The following ATP6V1H variants were observed in gnomAD, a reference collection of about 807,000 sequenced individuals.
ATP6V1H encodes ATPase H+ transporting V1 subunit H, also known as V-type proton ATPase subunit H.
ATP6V1H carries 39 observed loss-of-function variants against 71.7 expected under a neutral mutation model. The ratio of observed to expected loss-of-function variants is 0.54; its 90% CI spans 0.42 to 0.71. The LOEUF (loss-of-function observed/expected upper bound fraction) is 0.71, where lower values mean the gene tolerates loss of function less well. Ranked by LOEUF, ATP6V1H falls within the 30% of genes least tolerant of loss-of-function variation. ATP6V1H has a pLI of 0.00. For missense variants in ATP6V1H, 509 were observed against 594.9 expected (o/e 0.86, Z 1.50); for synonymous variants, 192 against 199.3 (o/e 0.96, Z 0.31).
rs1445795052 is a variant in ATP6V1H at position 53,784,918 on chromosome 8, G to C, written c.870+10729C>G. The stretch of plus-strand genomic sequence containing the variant: ...CTGCCGAGAGATCCACTGTTAGTCT[G>C]ATGGGCTTCCCTTTGTGGGTAACCC... On this transcript the variant is annotated intron_variant, in intron 9 of 13. Transcript: ENST00000359530. Among the ~76,000 whole-genome samples, 3 of 152,290 alleles carry C rather than the reference G, an allele frequency of 2.0e-5. No individual in the cohort carries two copies. In the East Asian group the frequency reaches 5.8e-4, roughly 29 times the overall value.
intron 12 of ATP6V1H, among the ~76,000 whole-genome samples, chr8:53,747,783 C>G (rs1807659574): frequency 6.6e-6 from 1 of 151,868 alleles, no homozygotes; most frequent in African/African-American, 2.4e-5. Flanking sequence ...CCTCGTGATT[C>G]CCCCTGCCTC....
At chr8:53,764,275 C>A (rs1446372894) in intron 11 of ATP6V1H, among the ~76,000 whole-genome samples, 1 of 152,010 alleles carries the variant, frequency 6.6e-6, no homozygotes, top group Non-Finnish European at 1.5e-5. Context: ...TGCAAAAATC[C>A]TCAACAAAAA....
At chr8:53,825,097 G>C (rs982215489) in intron 4 of ATP6V1H, among the ~76,000 whole-genome samples, 2 of 152,130 alleles carry the variant, frequency 1.3e-5, no homozygotes, top group African/African-American at 2.4e-5. Context: ...CAACACTCCT[G>C]AAGACGCAGA....
chr8:53,801,361 C>A (rs1198700051), intron 8 of ATP6V1H, among the ~76,000 whole-genome samples: 1 of 152,184 alleles, frequency 6.6e-6, no homozygotes, highest in Non-Finnish European at 1.5e-5. Flanking sequence ...AGGTGCTTGT[C>A]TGTATAAGCC....
Position 53,731,372 on chromosome 8 carries a change from T to C in ATP6V1H, c.1391+12205A>G, listed in dbSNP as rs926937629. On this transcript the variant is annotated intron_variant, in intron 13 of 13. Transcript: ENST00000359530. ...TAAAGAAAGGCAAAAATGAGATCAA[T>C]AGTCAGACAGCCCAGCGCCACACCC... 4.6e-5 allele frequency among the ~76,000 whole-genome samples: 7 copies of C among 152,324 alleles called. No homozygotes were observed. The South Asian group carries it at 8.3e-4, about 18-fold the overall frequency.
At chr8:53,791,729 C>G (rs3757953) in intron 9 of ATP6V1H, among the ~76,000 whole-genome samples, 66,979 of 152,118 alleles carry the variant, frequency 0.44, 18,173 homozygotes, top group Non-Finnish European at 0.59. Flanking sequence ...CTCCTCACAC[C>G]CCTCCTCTGG....
chr8:53,755,235 G>A (rs180709997), intron 12 of ATP6V1H, among the ~76,000 whole-genome samples: 1 of 152,196 alleles, frequency 6.6e-6, no homozygotes, highest in African/African-American at 2.4e-5. Flanking sequence ...AGGGTCTGAG[G>A]TATTCTTCAG....
At chr8:53,759,309 A>G (rs1808181508) in intron 11 of ATP6V1H, among the ~76,000 whole-genome samples, 1 of 152,262 alleles carries the variant, frequency 6.6e-6, no homozygotes, top group South Asian at 2.1e-4. Flanking sequence ...AAACCTGCTG[A>G]GCATGCTATT....
chr8:53,730,844 CACCAT>C (rs1416485050), intron 13 of ATP6V1H, among the ~76,000 whole-genome samples: 2 of 152,122 alleles, frequency 1.3e-5, no homozygotes, highest in African/African-American at 4.8e-5. Flanking sequence ...AGGACGAAAG[CACCAT>C]ACTGTGGGAA....
chr8:53,830,548 G>C (rs1240877900), intron 3 of ATP6V1H, among the ~76,000 whole-genome samples: 1 of 151,360 alleles, frequency 6.6e-6, no homozygotes, highest in Non-Finnish European at 1.5e-5. Flanking sequence ...ACCTATTTAA[G>C]CAAAATTAAA....
chr8:53,761,089 C>G (rs1808256939), intron 11 of ATP6V1H, among the ~76,000 whole-genome samples: 1 of 152,128 alleles, frequency 6.6e-6, no homozygotes, highest in African/African-American at 2.4e-5. Context: ...GTAATCCCAG[C>G]ACTTTGGGAG....
At chr8:53,775,424 A>T (rs1808839085) in intron 9 of ATP6V1H, among the ~76,000 whole-genome samples, 1 of 152,224 alleles carries the variant, frequency 6.6e-6, no homozygotes, top group South Asian at 2.1e-4. Flanking sequence ...CCCCACCCAC[A>T]TCCTGCTGAT....
chr8:53,779,952 G>A (rs1173117569), intron 9 of ATP6V1H, among the ~76,000 whole-genome samples: 1 of 151,886 alleles, frequency 6.6e-6, no homozygotes. Flanking sequence ...TGAAGGCAGG[G>A]GTTCTAGACC....
intron 13 of ATP6V1H, among the ~76,000 whole-genome samples, chr8:53,728,867 A>T (rs914337562): frequency 6.6e-6 from 1 of 152,228 alleles, no homozygotes; most frequent in Non-Finnish European, 1.5e-5. Flanking sequence ...CTATCTAAGC[A>T]TGCAACACAC....
At chr8:53,812,823 T>C (rs1489245153) in intron 6 of ATP6V1H, among the ~76,000 whole-genome samples, 2 of 152,120 alleles carry the variant, frequency 1.3e-5, no homozygotes, top group Non-Finnish European at 2.9e-5. Context: ...GCCTGCTGAG[T>C]AGCTGGAACT....
chr8:53,796,210 A>G (rs1809730357), intron 8 of ATP6V1H, among the ~76,000 whole-genome samples: 2 of 152,236 alleles, frequency 1.3e-5, no homozygotes, highest in South Asian at 4.1e-4. Flanking sequence ...TAGCTTTAAA[A>G]TAAAGGAAAC....
intron 11 of ATP6V1H, among the ~76,000 whole-genome samples, chr8:53,763,053 T>G (rs1446138808): frequency 6.6e-6 from 1 of 152,244 alleles, no homozygotes; most frequent in Non-Finnish European, 1.5e-5. Context: ...CATGTAACAT[T>G]CAAAATATGT....
intron 12 of ATP6V1H, among the ~76,000 whole-genome samples, chr8:53,745,189 G>A (rs1253829237): frequency 6.6e-6 from 1 of 152,120 alleles, no homozygotes; most frequent in East Asian, 1.9e-4. Context: ...GAGCCCAGGA[G>A]TTCGAGACTA....
rs113384929 is a variant in ATP6V1H, at chr8:53,799,865, C to T, written c.677+1934G>A. ...GCCATTTATGAATGAGGAAACAGGC[C>T]CTCACCAGACACCAAATCTGCTAGT... On this transcript the variant is annotated intron_variant, in intron 8 of 13. Transcript: ENST00000359530. 5.9e-5 allele frequency among the ~76,000 whole-genome samples: 9 copies of T among 152,196 alleles called. 1 individual carries two copies. The highest frequency in any genetic ancestry group is 2.2e-4 in the African/African-American group (9 of 41,518).
Sources: allele counts gnomAD v4.1 joint callset (sites outside exome capture counted in the v4.1 genomes callset), GRCh38; gene constraint gnomAD v4.1.1; transcripts MANE v1.5; gene names NCBI Gene and HGNC (gene_info 2026-07-23, HGNC 2026-07-21).